LRP1B: variants seen among roughly 807,000 people sequenced by gnomAD.
LRP1B encodes LDL receptor related protein 1B.
In LRP1B, 217 loss-of-function variants were observed where a neutral mutation model predicts 556.6. That is an observed-to-expected ratio of 0.39 (90% CI 0.35 to 0.44). The LOEUF is 0.44. Among genes scored for constraint, LRP1B ranks in the 20% least tolerant of loss-of-function variants. LRP1B has a pLI of 1.00. For synonymous variants in LRP1B, 2,047 were observed against 1,865.8 expected (o/e 1.10, Z -2.50); for missense variants, 5,053 against 5,620.8 (o/e 0.90, Z 3.23).
At chr2:140,781,286 G>A (rs867922435) in intron 32 of LRP1B, among the ~76,000 whole-genome samples, 4 of 152,142 alleles carry the variant, frequency 2.6e-5, no homozygotes, top group Admixed American at 1.3e-4. Context: ...ATTATTCTAG[G>A]TTGTTGCAGT....
chr2:141,011,050 A>G (rs6723393), intron 14 of LRP1B, among the ~76,000 whole-genome samples: 61,542 of 146,926 alleles, frequency 0.42, 13,205 homozygotes, highest in East Asian at 0.61. Flanking sequence ...TATAAATAAC[A>G]TCATATAATT....
intron 6 of LRP1B, among the ~76,000 whole-genome samples, chr2:141,191,130 C>G (rs994387121): frequency 6.6e-6 from 1 of 151,946 alleles, no homozygotes; most frequent in Non-Finnish European, 1.5e-5. Context: ...CTCTCCATAA[C>G]TTTCTACTCT....
chr2:141,618,533 A>C (rs554153870), intron 2 of LRP1B, among the ~76,000 whole-genome samples: 4 of 152,198 alleles, frequency 2.6e-5, no homozygotes, highest in Non-Finnish European at 5.9e-5. Context: ...TTTGAGAAAA[A>C]TAAAAACTAA....
chr2:140,606,011 T>C (rs562081320), intron 41 of LRP1B, among the ~76,000 whole-genome samples: 33 of 151,684 alleles, frequency 2.2e-4, no homozygotes, highest in African/African-American at 6.8e-4. Flanking sequence ...GCAAGGGTAA[T>C]TGGGGGTGGG....
intron 3 of LRP1B, among the ~76,000 whole-genome samples, chr2:141,418,658 G>A (rs2104958806): frequency 6.6e-6 from 1 of 152,140 alleles, no homozygotes; most frequent in African/African-American, 2.4e-5. Flanking sequence ...GTTTTAAAAA[G>A]AGGAAATGAA....
At chr2:140,741,667 A>G (rs1387922957) in intron 35 of LRP1B, among the ~76,000 whole-genome samples, 1 of 151,576 alleles carries the variant, frequency 6.6e-6, no homozygotes, top group Non-Finnish European at 1.5e-5. Context: ...CTCTGTGTCT[A>G]TTGTTCTCTT....
At chr2:141,139,507 GA>G (rs1035869360) in intron 7 of LRP1B, among the ~76,000 whole-genome samples, 269 of 148,410 alleles carry the variant, frequency 1.8e-3, no homozygotes, top group African/African-American at 5.8e-3. Flanking sequence ...CCTCCAATAA[GA>G]AAAAAAAATT....
At chr2:140,925,446 C>T (rs766013842) in intron 20 of LRP1B, among the ~76,000 whole-genome samples, 7 of 152,060 alleles carry the variant, frequency 4.6e-5, no homozygotes, top group Non-Finnish European at 7.4e-5. Context: ...AATGAAAGGG[C>T]TTTTTTTCTT....
intron 1 of LRP1B, among the ~76,000 whole-genome samples, chr2:142,055,482 T>C (rs1704635534): frequency 6.6e-6 from 1 of 152,146 alleles, no homozygotes; most frequent in Non-Finnish European, 1.5e-5. Context: ...CAGGAGCCCT[T>C]TGAGTTGTAA....
intron 3 of LRP1B, among the ~76,000 whole-genome samples, chr2:141,306,187 C>T (rs920199373): frequency 1.5e-5 from 2 of 134,206 alleles, no homozygotes; most frequent in Non-Finnish European, 3.2e-5. Context: ...ATTACCTACT[C>T]TTCAATTATT....
intron 23 of LRP1B, among the ~76,000 whole-genome samples, chr2:140,895,556 T>A (rs1415703519): frequency 6.6e-6 from 1 of 152,160 alleles, no homozygotes; most frequent in African/African-American, 2.4e-5. Flanking sequence ...AGAAGGCATG[T>A]TACCGTGCGC....
At chr2:141,963,681 C>T (rs542748082) in intron 1 of LRP1B, among the ~76,000 whole-genome samples, 1 of 149,594 alleles carries the variant, frequency 6.7e-6, no homozygotes, top group Admixed American at 6.7e-5. Flanking sequence ...TGAAAACTGG[C>T]ACAAGACAGG....
At chr2:140,672,392 G>A (rs1685516189) in intron 41 of LRP1B, among the ~76,000 whole-genome samples, 1 of 149,634 alleles carries the variant, frequency 6.7e-6, no homozygotes, top group African/African-American at 2.5e-5. Flanking sequence ...GCTGAGGCAG[G>A]AGAATCGCTT....
intron 86 of LRP1B, among the ~76,000 whole-genome samples, chr2:140,256,742 C>A (rs1341477218): frequency 6.6e-6 from 1 of 151,682 alleles, no homozygotes; most frequent in African/African-American, 2.4e-5. Flanking sequence ...GCTGGGATTA[C>A]AGGTGTGAGC....
At chr2:140,788,733 C>T (rs1319517536) in intron 32 of LRP1B, among the ~76,000 whole-genome samples, 1 of 152,064 alleles carries the variant, frequency 6.6e-6, no homozygotes, top group African/African-American at 2.4e-5. Flanking sequence ...AGGTGATAAC[C>T]CTCCCTGTTA....
At chr2:140,630,201 A>T (rs1683829202) in intron 41 of LRP1B, among the ~76,000 whole-genome samples, 1 of 152,192 alleles carries the variant, frequency 6.6e-6, no homozygotes, top group Non-Finnish European at 1.5e-5. Flanking sequence ...GGTGCCTGGC[A>T]ATCTGACTTT....
chr2:141,437,525 G>T (rs6711388), intron 3 of LRP1B, among the ~76,000 whole-genome samples: 34,214 of 151,708 alleles, frequency 0.23, 3,987 homozygotes, highest in South Asian at 0.32. Context: ...TGTATTTATT[G>T]AAATACAAAT....
intron 7 of LRP1B, among the ~76,000 whole-genome samples, chr2:141,064,445 AT>A (rs1699426054): frequency 1.3e-5 from 2 of 151,992 alleles, no homozygotes; most frequent in African/African-American, 2.4e-5. Flanking sequence ...TGATTCTCAT[AT>A]TTTTTTCTAA....
chr2:141,452,943 T>C (rs975592494), intron 3 of LRP1B, among the ~76,000 whole-genome samples: 8 of 152,136 alleles, frequency 5.3e-5, no homozygotes, highest in African/African-American at 1.2e-4. Context: ...TTATTCAAAA[T>C]AGCACAATGT....
Sources: gnomAD v4.1 joint callset for allele counts (sites outside exome capture counted in the v4.1 genomes callset) on GRCh38, gnomAD v4.1.1 for gene constraint, MANE v1.5 for transcripts, NCBI Gene and HGNC (gene_info 2026-07-23, HGNC 2026-07-21) for gene names.